CDH12: variants seen among roughly 807,000 people sequenced by gnomAD.
CDH12 encodes the protein cadherin 12.
A neutral mutation model predicts 74.1 loss-of-function variants in CDH12; 41 were observed. The observed-to-expected ratio is 0.55, with a 90% CI of 0.43 to 0.72. The LOEUF (loss-of-function observed/expected upper bound fraction) is 0.72. Among genes scored for constraint, CDH12 ranks in the 30% least tolerant of loss-of-function variants. CDH12 has a pLI of 0.00. For missense variants in CDH12, 945 were observed against 977.2 expected, an observed-to-expected ratio of 0.97 and a Z score of 0.44; for synonymous variants, 399 against 355.0, an observed-to-expected ratio of 1.12 and a Z score of -1.39.
At chr5:22,687,424 T>G (rs998457364) in intron 1 of CDH12, among the ~76,000 whole-genome samples, 7 of 152,226 alleles carry the variant, frequency 4.6e-5, no homozygotes, top group Non-Finnish European at 1.0e-4. Flanking sequence ...TTTGTTTTTT[T>G]TGAGACAGGG....
rs984812381 is a variant in CDH12 at position 22,643,760 on chromosome 5, T to C, written c.-522-138396A>G. Among the ~76,000 whole-genome samples the C allele has an allele frequency of 6.2e-4, 72 of 116,996 alleles. 1 individual carries two copies. Among genetic ancestry groups the C allele is most frequent in the African/African-American group, 7.8e-4 (20 of 25,564 alleles). The allele number at this position is 116,996 out of a possible 152,430, so 76.8% of individuals were successfully genotyped here. On this transcript the variant is annotated intron_variant, in intron 1 of 14. Coordinates refer to ENST00000382254, the MANE Select transcript of CDH12 (RefSeq NM_004061.5). ...TTTTTTTTTTTTTTTTTTTTTTTTT[T>C]CCACAAATTGATGGTTTGTGGCAGC...
At chr5:22,346,380 T>TA (rs1740114076) in intron 3 of CDH12, among the ~76,000 whole-genome samples, 1 of 152,196 alleles carries the variant, frequency 6.6e-6, no homozygotes, top group African/African-American at 2.4e-5. Context: ...GAGATTATTT[T>TA]ATCCCCAGAT....
chr5:22,734,431 G>C (rs911902776), intron 1 of CDH12, among the ~76,000 whole-genome samples: 1 of 151,820 alleles, frequency 6.6e-6, no homozygotes, highest in African/African-American at 2.4e-5. Flanking sequence ...CCCTAATCTA[G>C]AGAAAGAAAA....
intron 1 of CDH12, among the ~76,000 whole-genome samples, chr5:22,847,425 T>C (rs1358232891): frequency 6.6e-6 from 1 of 152,178 alleles, no homozygotes; most frequent in Non-Finnish European, 1.5e-5. Context: ...GGTATATTGT[T>C]ATCTGCTGTT....
At chr5:22,742,635 GAATT>G (rs1417811065) in intron 1 of CDH12, among the ~76,000 whole-genome samples, 1 of 151,836 alleles carries the variant, frequency 6.6e-6, no homozygotes, top group East Asian at 1.9e-4. Context: ...TATGCTGCCT[GAATT>G]AATTAACAGA....
At chr5:22,492,475 G>A (rs942218193) in intron 2 of CDH12, among the ~76,000 whole-genome samples, 1 of 151,760 alleles carries the variant, frequency 6.6e-6, no homozygotes, top group Non-Finnish European at 1.5e-5. Flanking sequence ...AACCTCCCGA[G>A]TAGCTGGGAT....
At chr5:22,445,638 A>G (rs1412007208) in intron 2 of CDH12, among the ~76,000 whole-genome samples, 5 of 152,112 alleles carry the variant, frequency 3.3e-5, no homozygotes, top group African/African-American at 4.8e-5. Flanking sequence ...TTATATCCAA[A>G]TTTCTTTAAT....
At chr5:22,682,127 C>T (rs1741526819) in intron 1 of CDH12, among the ~76,000 whole-genome samples, 1 of 152,002 alleles carries the variant, frequency 6.6e-6, no homozygotes, top group Non-Finnish European at 1.5e-5. Flanking sequence ...CAAGCCCTGG[C>T]ACATATGTAA....
chr5:22,037,644 A>C (rs959446044), intron 5 of CDH12, among the ~76,000 whole-genome samples: 2 of 152,208 alleles, frequency 1.3e-5, no homozygotes, highest in African/African-American at 4.8e-5. Context: ...AGCTATAGGC[A>C]ACTAATGAAC....
chr5:21,808,991 T>C (rs577598639), intron 9 of CDH12, among the ~76,000 whole-genome samples: 9 of 152,128 alleles, frequency 5.9e-5, no homozygotes, highest in African/African-American at 1.7e-4. Context: ...ATAAGAAACA[T>C]ATAATTACTA....
intron 6 of CDH12, among the ~76,000 whole-genome samples, chr5:21,885,985 A>T (rs1752608721): frequency 6.6e-6 from 1 of 152,104 alleles, no homozygotes; most frequent in Non-Finnish European, 1.5e-5. Context: ...AGTATATTGT[A>T]TGTGAACTTC....
At chr5:22,660,708 G>A (rs1467538401) in intron 1 of CDH12, among the ~76,000 whole-genome samples, 1 of 152,188 alleles carries the variant, frequency 6.6e-6, no homozygotes. Flanking sequence ...ATGAGCCACT[G>A]CCTGGCCCAG....
At chr5:22,845,371 A>G (rs1737254123) in intron 1 of CDH12, among the ~76,000 whole-genome samples, 1 of 152,144 alleles carries the variant, frequency 6.6e-6, no homozygotes, top group Admixed American at 6.6e-5. Flanking sequence ...CCCTCAAGAT[A>G]TCCACTTTTA....
intron 1 of CDH12, among the ~76,000 whole-genome samples, chr5:22,754,631 T>C (rs968324532): frequency 6.7e-6 from 1 of 150,162 alleles, no homozygotes; most frequent in Non-Finnish European, 1.5e-5. Context: ...GTCAAGTCCT[T>C]AGAGGGACTG....
intron 5 of CDH12, among the ~76,000 whole-genome samples, chr5:22,002,580 CTGAT>C (rs1212464917): frequency 1.3e-5 from 2 of 152,004 alleles, no homozygotes; most frequent in African/African-American, 2.4e-5. Flanking sequence ...TTTAATTTAT[CTGAT>C]TGAGCATCTG....
chr5:21,998,347 A>G (rs1414994523), intron 5 of CDH12, among the ~76,000 whole-genome samples: 2 of 151,962 alleles, frequency 1.3e-5, no homozygotes, highest in African/African-American at 2.4e-5. Context: ...CAAAATTTTA[A>G]ATATATATAT....
At chr5:22,138,033 A>G (rs1251103948) in intron 4 of CDH12, among the ~76,000 whole-genome samples, 1 of 152,138 alleles carries the variant, frequency 6.6e-6, no homozygotes, top group Admixed American at 6.6e-5. Context: ...ATGCTGAAAA[A>G]AATTATCATA....
chr5:22,035,086 A>G (rs1342351030), intron 5 of CDH12, among the ~76,000 whole-genome samples: 1 of 152,164 alleles, frequency 6.6e-6, no homozygotes, highest in African/African-American at 2.4e-5. Context: ...GAACGTGTCA[A>G]TGATGTTAAG....
At chr5:22,135,127 G>A (rs757630908) in intron 4 of CDH12, among the ~76,000 whole-genome samples, 1 of 150,010 alleles carries the variant, frequency 6.7e-6, no homozygotes, top group East Asian at 2.0e-4. Context: ...GAATGTGAGA[G>A]CAACTTGGAG....
Sources: gnomAD v4.1 joint callset for allele counts (sites outside exome capture counted in the v4.1 genomes callset) on GRCh38, gnomAD v4.1.1 for gene constraint, MANE v1.5 for transcripts, NCBI Gene and HGNC (gene_info 2026-07-23, HGNC 2026-07-21) for gene names.